The following PLEKHB1 variants were observed in gnomAD, a reference collection of about 807,000 sequenced individuals.
PLEKHB1 encodes pleckstrin homology domain-containing family B member 1.
In PLEKHB1, 29 loss-of-function variants were observed where a neutral mutation model predicts 36.2. That is an observed-to-expected ratio of 0.80 (90% CI 0.60 to 1.09). The LOEUF (loss-of-function observed/expected upper bound fraction) is 1.09. PLEKHB1 is among the 50% of genes least tolerant of loss of function. The pLI, the probability that PLEKHB1 is intolerant of heterozygous loss-of-function variation, is 0.00. For synonymous variants in PLEKHB1, 138 were observed against 140.0 expected (o/e 0.99, Z 0.10); for missense variants, 330 against 348.2 (o/e 0.95, Z 0.42).
intron 1 of PLEKHB1, among the ~76,000 whole-genome samples, 183 bp downstream of exon 1, chr11:73,646,809 G>A (rs1160770277): frequency 6.6e-6 from 1 of 152,106 alleles, no homozygotes; most frequent in Non-Finnish European, 1.5e-5. Context: ...ATCACAGTCC[G>A]AGGTGATAGA....
chr11:73,658,163 G>A (rs1230340681), intron 6 of PLEKHB1, among the ~76,000 whole-genome samples: 3 of 152,226 alleles, frequency 2.0e-5, no homozygotes, highest in African/African-American at 7.2e-5. Context: ...TGAGTGTCCA[G>A]ATGGGACCCC....
In PLEKHB1 at chr11:73,661,059, G is replaced by A. The variant is rs1004099031; in HGVS notation, c.595+207G>A. On this transcript the variant is annotated intron_variant, in intron 7 of 7. Transcript: ENST00000354190. This position sits in a 1 kb window ranked among gnomAD's most constrained non-coding sequence, Gnocchi z 4.6. ...CGTCTCGAGCTGACCTCACCCTTCT[G>A]GGATGGCTCCTCAGCCCTGCGGTCG... 9.8e-6 allele frequency: 6 copies of A among 611,946 alleles called. No homozygotes were observed. The highest frequency in any genetic ancestry group is 7.4e-5 in the African/African-American group (4 of 53,928). The allele number at this position is 611,946 out of a possible 1,614,324, so 37.9% of individuals were successfully genotyped here. A position where few individuals can be genotyped will look rare whatever the true frequency, so the allele number is the denominator to read the frequency against.
At chr11:73,646,720 G>A in intron 1 of PLEKHB1, 94 bp downstream of exon 1, 1 of 1,333,140 alleles carries the variant, frequency 7.5e-7, no homozygotes, top group South Asian at 1.3e-5. Flanking sequence ...TTTAGGCCCT[G>A]ACATCCTCTG....
At chr11:73,655,021 G>A (rs1441950197) in intron 5 of PLEKHB1, among the ~76,000 whole-genome samples, 1 of 152,186 alleles carries the variant, frequency 6.6e-6, no homozygotes, top group African/African-American at 2.4e-5. Context: ...CCCAGGTCAG[G>A]CTACCCTGGC....
At position 73,662,456 on chromosome 11, in the gene PLEKHB1, G is replaced by C. The variant is rs1305163652; in HGVS notation, c.*854G>C. 1 of 152,518 alleles carries C rather than the reference G, an allele frequency of 6.6e-6. No homozygotes were observed. Among genetic ancestry groups the C allele is most frequent in the African/African-American group, 2.4e-5 (1 of 41,430 alleles). 9.4% of individuals were successfully genotyped at this position (152,518 alleles called of 1,614,324 possible). ...TATTTGAGACTTCCAGCCCTAGAAA[G>C]CTGCCTCCGTCCAGAAATGCCTCTC... On this transcript the variant is annotated 3_prime_UTR_variant, in exon 8 of 8. Transcript: ENST00000354190.
At chr11:73,660,925 G>GGACT in intron 7 of PLEKHB1, 73 bp downstream of exon 7, 4 of 1,359,892 alleles carry the variant, frequency 2.9e-6, no homozygotes, top group Non-Finnish European at 4.1e-6. Context: ...CCCACGGTCC[G>GGACT]TAAGTCCGGA....
At chr11:73,646,734 T>G in intron 1 of PLEKHB1, 108 bp downstream of exon 1, 2 of 1,201,534 alleles carry the variant, frequency 1.7e-6, no homozygotes, top group South Asian at 2.6e-5. Context: ...TCCTCTGGTC[T>G]CTGAATGACA....
chr11:73,653,336 C>T, intron 5 of PLEKHB1: 1 of 597,860 alleles, frequency 1.7e-6, no homozygotes, highest in Non-Finnish European at 3.1e-6. Context: ...CACAACAGTC[C>T]TGTGAAGTTG....
intron 6 of PLEKHB1, among the ~76,000 whole-genome samples, chr11:73,657,221 A>G (rs1565332789): frequency 6.6e-6 from 1 of 152,180 alleles, no homozygotes; most frequent in Non-Finnish European, 1.5e-5. Context: ...CAAATTGTAT[A>G]GATGTGGCAC....
intron 1 of PLEKHB1, 174 bp from the exon 2 acceptor site, chr11:73,648,838 T>A (rs1944823609): frequency 1.5e-6 from 2 of 1,348,634 alleles, no homozygotes; most frequent in African/African-American, 3.0e-5. Context: ...ACAGTGACAG[T>A]GCTCCCATTC....
chr11:73,660,518 A>G, intron 6 of PLEKHB1: 2 of 549,928 alleles, frequency 3.6e-6, no homozygotes, highest in South Asian at 4.6e-5. Flanking sequence ...GGGAGGCCAG[A>G]GTTGGAGAAT....
At position 73,653,015 on chromosome 11, in the gene PLEKHB1, G is replaced by A; in HGVS notation, c.390+1G>A. ...ACTGCTGGAGGCAAACTCCACCCCG[G>A]TGAGTCTCCCGTTCTCTCCCCCTTT... is the stretch of plus-strand genomic sequence containing the variant. On this transcript the variant is annotated splice_donor_variant, in intron 5 of 7. Transcript: ENST00000354190. LOFTEE classifies it high-confidence loss of function. The A allele has an allele frequency of 6.2e-7, 1 of 1,609,196 alleles. No individual in the cohort carries two copies.
rs1401253112 is a variant in PLEKHB1, at chr11:73,646,615, C to A, written c.7C>A (p.Pro3Thr). The change falls in exon 1 of 8, where the codon CCT becomes ACT. Residue 3 changes from proline (P) to threonine (T), a missense_variant. Pro to Thr is a conservative substitution (Grantham distance 38). Coordinates refer to ENST00000354190, the MANE Select transcript of PLEKHB1 (RefSeq NM_021200.3). MS[P>T]AAPVPPDSAL... Reference sequence around the variant, plus strand: ...CCCTGGCCACCCAGGAACCATGAGCCCTGCAGCCCCGGTAAGGAAGAGTTC... The same window carrying A: ...CCCTGGCCACCCAGGAACCATGAGCACTGCAGCCCCGGTAAGGAAGAGTTC... The A allele has an allele frequency of 6.4e-7, 1 of 1,551,526 alleles. No individual in the cohort carries two copies. The highest frequency in any genetic ancestry group is 1.2e-5 in the South Asian group (1 of 84,052).
chr11:73,656,941 A>G (rs1379417673), intron 6 of PLEKHB1, among the ~76,000 whole-genome samples: 3 of 152,192 alleles, frequency 2.0e-5, no homozygotes, highest in Non-Finnish European at 2.9e-5. Context: ...TTGCAAGGTC[A>G]GGAGTTCAAG....
intron 1 of PLEKHB1, among the ~76,000 whole-genome samples, chr11:73,647,090 C>A (rs530279159): frequency 1.5e-4 from 23 of 152,300 alleles, no homozygotes; most frequent in South Asian, 6.2e-4. Context: ...CACGGAAATG[C>A]TGGGCACTCT....
rs553169226 is a variant in PLEKHB1 at position 73,647,545 on chromosome 11, C to A, written c.18+919C>A. Reference sequence around the variant, plus strand: ...TACGCCTCGGGTCAGCATCTCTTCACGTCACTCCCCCTCCCTGGGGTGGGC... The same window carrying A: ...TACGCCTCGGGTCAGCATCTCTTCAAGTCACTCCCCCTCCCTGGGGTGGGC... On this transcript the variant is annotated intron_variant, in intron 1 of 7. Coordinates refer to ENST00000354190, the MANE Select transcript of PLEKHB1 (RefSeq NM_021200.3). The A allele has an allele frequency of 8.0e-5, 79 of 985,462 alleles. 1 individual carries two copies. In the South Asian group the frequency reaches 3.4e-3, roughly 43 times the overall value. The allele number at this position is 985,462 out of a possible 1,614,324, so 61.0% of individuals were successfully genotyped here. A position where few individuals can be genotyped will look rare whatever the true frequency, so the allele number is the denominator to read the frequency against.
At position 73,650,634 on chromosome 11, in the gene PLEKHB1, C is replaced by T. The variant is rs778240918; in HGVS notation, c.176C>T (p.Ala59Val). 44 of 1,612,698 alleles carry T rather than the reference C, an allele frequency of 2.7e-5. No homozygotes were observed. The highest frequency in any genetic ancestry group is 3.3e-5 in the Admixed American group (2 of 59,824). The change falls in exon 3 of 8, where the codon GCG becomes GTG. Residue 59 changes from alanine to valine, a missense_variant. Physicochemically the swap from Ala to Val is moderately conservative, Grantham distance 64. Coordinates refer to ENST00000354190, the MANE Select transcript of PLEKHB1 (RefSeq NM_021200.3). ...CTGGGATACTACCACGATGAGACAG[C>T]GCAGGACGAGGAGGACCGTGTGCTC... ...GTLGYYHDET[A>V]QDEEDRVLIH...
At chr11:73,651,927 G>T (rs754198610) in intron 4 of PLEKHB1, 37 bp downstream of exon 4, 1 of 1,585,214 alleles carries the variant, frequency 6.3e-7, no homozygotes, top group South Asian at 1.1e-5. Context: ...GTGGAATCTC[G>T]GGGAAAGTTA....
At chr11:73,653,274 C>T (rs1322827074) in intron 5 of PLEKHB1, 5 of 666,408 alleles carry the variant, frequency 7.5e-6, no homozygotes, top group African/African-American at 1.8e-5. Context: ...TGTCTTTTAT[C>T]GAGCAACTAT....
Sources: gnomAD v4.1 joint callset for allele counts (sites outside exome capture counted in the v4.1 genomes callset) on GRCh38, gnomAD v4.1.1 for gene constraint, Gnocchi (gnomAD v3.1) non-coding constraint, MANE v1.5 for transcripts, NCBI Gene and HGNC (gene_info 2026-07-23, HGNC 2026-07-21) for gene names.